The following RABL3 variants were observed in gnomAD, a reference collection of about 807,000 sequenced individuals.
RABL3 encodes rab-like protein 3.
RABL3 carries 31 observed loss-of-function variants against 31.8 expected under a neutral mutation model. That is an observed-to-expected ratio of 0.97 (90% confidence interval 0.73 to 1.31). RABL3 has a LOEUF of 1.31. RABL3 is among the 40% of genes most tolerant of loss of function. RABL3 has a pLI of 0.00. For missense variants in RABL3, 263 were observed against 279.6 expected (o/e 0.94, Z 0.42); for synonymous variants, 97 against 99.9 (o/e 0.97, Z 0.18).
chr3:120,720,867 C>T (rs139990961), intron 2 of RABL3, among the ~76,000 whole-genome samples: 9,736 of 152,114 alleles, frequency 0.064, 451 homozygotes, highest in East Asian at 0.19. Context: ...AAGAGCAACT[C>T]CAAGACACAT....
intron 3 of RABL3, among the ~76,000 whole-genome samples, chr3:120,708,598 C>T (rs935068472): frequency 3.3e-5 from 5 of 151,994 alleles, no homozygotes; most frequent in African/African-American, 1.2e-4. Flanking sequence ...TAAGTCTAAA[C>T]TAGGTTTCAC....
chr3:120,734,406 T>C (rs143083144), intron 1 of RABL3, among the ~76,000 whole-genome samples: 30,843 of 152,216 alleles, frequency 0.2, 3,598 homozygotes, highest in East Asian at 0.36. Flanking sequence ...ATCCTGAGAC[T>C]TTGCTGAAGT....
In RABL3 at chr3:120,689,133, T is replaced by TC. The variant is rs1708349399; in HGVS notation, c.*689dup. 6.6e-6 allele frequency: 1 copy of TC among 152,216 alleles called. No individual in the cohort carries two copies. The highest frequency in any genetic ancestry group is 1.5e-5 in the Non-Finnish European group (1 of 68,046). 9.4% of individuals were successfully genotyped at this position (152,216 alleles called of 1,614,324 possible). A position where few individuals can be genotyped will look rare whatever the true frequency, so the allele number is the denominator to read the frequency against. ...TAAGAGTGAGGGAGCTGTCAATTTT[T>TC]CACATCATTTTACCAGAATTCTTTT... On this transcript the variant is annotated 3_prime_UTR_variant, in exon 8 of 8. Coordinates refer to ENST00000273375, the MANE Select transcript of RABL3 (RefSeq NM_173825.5).
chr3:120,693,509 G>A (rs1708403226), intron 6 of RABL3, among the ~76,000 whole-genome samples: 1 of 152,182 alleles, frequency 6.6e-6, no homozygotes, highest in Admixed American at 6.5e-5. Context: ...TGCAATGTGA[G>A]CATTGGACAA....
Position 120,686,920 on chromosome 3 carries a change from T to C in RABL3, c.*2903A>G, listed in dbSNP as rs1386086356. On this transcript the variant is annotated 3_prime_UTR_variant, in exon 8 of 8. Coordinates refer to ENST00000273375, the MANE Select transcript of RABL3 (RefSeq NM_173825.5). ...TATCTGTGAGGATAAAGGGTACCTA[T>C]GGAATGAAGGTTTTATGATCTACTT... 2 of 152,190 alleles carry C rather than the reference T, an allele frequency of 1.3e-5. No homozygotes were observed. Among genetic ancestry groups the C allele is most frequent in the African/African-American group, 4.8e-5 (2 of 41,448 alleles). 9.4% of individuals were successfully genotyped at this position (152,190 alleles called of 1,614,324 possible).
chr3:120,709,791 T>C lies in RABL3; in HGVS notation c.257A>G (p.Asn86Ser). ...TAAAAATGTTTTACCATTTACGGAG[T>C]TGTAGAATACTGCTCTTGTGCTTTT... ...SVKSTRAVFY[N>S]SVNGIIFVHD... Residue 86 changes from asparagine (N) to serine (S), a missense_variant, in exon 3 of 8, where the codon AAC becomes AGC. Physicochemically the swap from Asn to Ser is conservative, Grantham distance 46. Transcript: ENST00000273375. 1 of 1,610,238 alleles carries C rather than the reference T, an allele frequency of 6.2e-7. No individual in the cohort carries two copies. The highest frequency in any genetic ancestry group is 1.7e-5 in the Admixed American group (1 of 59,460).
At chr3:120,702,916 A>G (rs1261158558) in intron 4 of RABL3, among the ~76,000 whole-genome samples, 1 of 152,132 alleles carries the variant, frequency 6.6e-6, no homozygotes, top group African/African-American at 2.4e-5. Context: ...GCAAACTCCC[A>G]TTGCTTTTAT....
At chr3:120,735,532 G>A (rs1559824530) in intron 1 of RABL3, among the ~76,000 whole-genome samples, 1 of 151,958 alleles carries the variant, frequency 6.6e-6, no homozygotes. Flanking sequence ...GGTTTTTTGT[G>A]TCTCTATGTC....
chr3:120,700,797 T>C (rs183610061), intron 4 of RABL3, among the ~76,000 whole-genome samples: 122 of 152,232 alleles, frequency 8.0e-4, no homozygotes, highest in Admixed American at 2.7e-3. Context: ...AGACTAGCTA[T>C]ATGTTGATAA....
rs1192769152 is a variant in RABL3 at position 120,709,665 on chromosome 3, GA to G, written c.268+114del. The G allele has an allele frequency of 7.6e-5, 56 of 735,516 alleles. No homozygotes were observed. In the Middle Eastern group the frequency reaches 2.2e-3, roughly 29 times the overall value. The allele number at this position is 735,516 out of a possible 1,614,324, so 45.6% of individuals were successfully genotyped here. ...TATGCAGATTTAAATCAAGGGTTGT[GA>G]GTACATTATATCTTTCTCAAATTAA... On this transcript the variant is annotated intron_variant, in intron 3 of 7. Transcript: ENST00000273375.
At chr3:120,728,194 A>C (rs1430747051) in intron 2 of RABL3, among the ~76,000 whole-genome samples, 1 of 152,158 alleles carries the variant, frequency 6.6e-6, no homozygotes, top group African/African-American at 2.4e-5. Flanking sequence ...GGGGCAGAAA[A>C]TTGGACTAAA....
Position 120,689,770 on chromosome 3 carries a change from G to T in RABL3, c.*53C>A. On this transcript the variant is annotated 3_prime_UTR_variant, in exon 8 of 8. Transcript: ENST00000273375. ...TGGTAATAATTGAACACAGCAAGAT[G>T]AGCTGTGAAAAACTGCCACTGCTTG... 1 of 1,166,070 alleles carries T rather than the reference G, an allele frequency of 8.6e-7. No homozygotes were observed. Among genetic ancestry groups the T allele is most frequent in the Non-Finnish European group, 1.3e-6 (1 of 774,514 alleles). The allele number at this position is 1,166,070 out of a possible 1,614,324, so 72.2% of individuals were successfully genotyped here.
chr3:120,732,051 A>G (rs899752172), intron 1 of RABL3, among the ~76,000 whole-genome samples: 1 of 152,102 alleles, frequency 6.6e-6, no homozygotes, highest in Admixed American at 6.6e-5. Flanking sequence ...AGAGCGAGAC[A>G]CTGTCTACAA....
At chr3:120,740,942 T>C (rs1709034981) in intron 1 of RABL3, among the ~76,000 whole-genome samples, 2 of 152,230 alleles carry the variant, frequency 1.3e-5, no homozygotes, top group Non-Finnish European at 2.9e-5. Flanking sequence ...ATTCTATCCC[T>C]GTTATATGAC....
rs1014187259 is a variant in RABL3 at position 120,730,843 on chromosome 3, G to A, written c.47-56C>T. 13 of 1,191,166 alleles carry A rather than the reference G, an allele frequency of 1.1e-5. No individual in the cohort carries two copies. The African/African-American group carries it at 1.7e-4, about 15-fold the overall frequency. The allele number at this position is 1,191,166 out of a possible 1,614,324, so 73.8% of individuals were successfully genotyped here. On this transcript the variant is annotated intron_variant, in intron 1 of 7. Coordinates refer to ENST00000273375, the MANE Select transcript of RABL3 (RefSeq NM_173825.5). ...AAGAGACAAGGCTGAAATCTGTTTT[G>A]GAAAGAGTAAGACTAATACTACACA...
At position 120,695,341 on chromosome 3, in the gene RABL3, G is replaced by A. The variant is rs368280876; in HGVS notation, c.535-1117C>T. Among the ~76,000 whole-genome samples, 12 of 152,082 alleles carry A rather than the reference G, an allele frequency of 7.9e-5. No individual in the cohort carries two copies. In the East Asian group the frequency reaches 2.3e-3, roughly 29 times the overall value. ...AAGATCACAGAGTACTAGAAATTAG[G>A]GGTCTTCAAAGCCAGCAAGCAATAA... On this transcript the variant is annotated intron_variant, in intron 5 of 7. Transcript: ENST00000273375.
chr3:120,704,252 G>A (rs1708524385), intron 4 of RABL3, among the ~76,000 whole-genome samples: 2 of 152,178 alleles, frequency 1.3e-5, no homozygotes, highest in South Asian at 4.1e-4. Context: ...ATCAGTGAAT[G>A]TAATCCACCA....
At chr3:120,740,036 G>A (rs1013868965) in intron 1 of RABL3, among the ~76,000 whole-genome samples, 1 of 152,116 alleles carries the variant, frequency 6.6e-6, no homozygotes, top group African/African-American at 2.4e-5. Flanking sequence ...TTCACCTTTA[G>A]AACTAAATTT....
At chr3:120,712,565 C>G (rs1399463356) in intron 2 of RABL3, among the ~76,000 whole-genome samples, 1 of 152,080 alleles carries the variant, frequency 6.6e-6, no homozygotes, top group Non-Finnish European at 1.5e-5. Context: ...CCAAATCAAC[C>G]AGAGCAGGTT....
Sources: gnomAD v4.1 joint callset for allele counts (sites outside exome capture counted in the v4.1 genomes callset) on GRCh38, gnomAD v4.1.1 for gene constraint, MANE v1.5 for transcripts, NCBI Gene and HGNC (gene_info 2026-07-23, HGNC 2026-07-21) for gene names.